Variants in SUGCT observed in about 807,000 individuals in gnomAD.
SUGCT encodes the protein succinyl-CoA:glutarate CoA-transferase.
SUGCT carries 41 observed loss-of-function variants against 55.0 expected under a neutral mutation model. The observed-to-expected ratio is 0.74, with a 90% confidence interval of 0.58 to 0.97. SUGCT has a LOEUF of 0.97. SUGCT is among the 50% of genes least tolerant of loss of function. SUGCT has a pLI of 0.00. For synonymous variants in SUGCT, 187 were observed against 200.4 expected (o/e 0.93, Z 0.56); for missense variants, 568 against 547.8 (o/e 1.04, Z -0.37).
rs1002300921 is a variant in SUGCT at position 40,556,777 on chromosome 7, C to T, written c.1089+60391C>T. 5.3e-5 allele frequency among the ~76,000 whole-genome samples: 8 copies of T among 152,208 alleles called. 1 individual carries two copies. The East Asian group carries it at 5.8e-4, about 11-fold the overall frequency. The stretch of plus-strand genomic sequence containing the variant: ...TAAATAAATTAATAATTTTAAAGCA[C>T]GTGGAACAGTTTCTGGCACATAATA... On this transcript the variant is annotated intron_variant, in intron 12 of 13. Coordinates refer to ENST00000335693, the MANE Select transcript of SUGCT (RefSeq NM_001193313.2).
chr7:41,033,365 T>C, the SUGCT span, among the ~76,000 whole-genome samples: 2 of 152,222 alleles, frequency 1.3e-5, no homozygotes, highest in African/African-American at 4.8e-5. Context: ...TGATGCTGTA[T>C]GGCCATTTAA....
Position 40,242,802 on chromosome 7 carries a change from C to A in SUGCT, c.576+5076C>A, listed in dbSNP as rs115159455. On this transcript the variant is annotated intron_variant, in intron 7 of 13. Transcript: ENST00000335693. ...TAAGATGTAAGCCTCATAGGAAAGA[C>A]CGTGGTCCTTGATTTGGTCACTACT... 4.2e-3 allele frequency among the ~76,000 whole-genome samples: 625 copies of A among 150,256 alleles called. 6 individuals are homozygous for A. Among genetic ancestry groups the A allele is most frequent in the African/African-American group, 0.015 (603 of 40,930 alleles).
chr7:40,318,539 C>T (rs960616831), intron 9 of SUGCT, among the ~76,000 whole-genome samples: 1 of 152,198 alleles, frequency 6.6e-6, no homozygotes, highest in Non-Finnish European at 1.5e-5. Context: ...CAGGTTCAAG[C>T]GGTTCTTCTG....
chr7:40,773,411 G>A (rs146336879), intron 13 of SUGCT, among the ~76,000 whole-genome samples: 4 of 152,280 alleles, frequency 2.6e-5, no homozygotes, highest in African/African-American at 9.6e-5. Flanking sequence ...TTACAGGCGT[G>A]AGCCACTGTG....
At chr7:40,280,551 T>C (rs1792885133) in intron 8 of SUGCT, among the ~76,000 whole-genome samples, 1 of 152,208 alleles carries the variant, frequency 6.6e-6, no homozygotes, top group African/African-American at 2.4e-5. Flanking sequence ...GAATATATTG[T>C]CACTTTTGAT....
chr7:40,423,758 T>A (rs1030569531), intron 9 of SUGCT, among the ~76,000 whole-genome samples: 37 of 152,142 alleles, frequency 2.4e-4, no homozygotes, highest in Non-Finnish European at 4.6e-4. Context: ...TAATGGAAAA[T>A]TAATGTTGCA....
At chr7:40,654,051 G>T (rs1043321558) in intron 12 of SUGCT, among the ~76,000 whole-genome samples, 2 of 151,728 alleles carry the variant, frequency 1.3e-5, no homozygotes, top group African/African-American at 4.8e-5. Flanking sequence ...GAAGTCAAGA[G>T]AATTAGTTTT....
At chr7:40,267,607 G>A (rs1180824206) in intron 7 of SUGCT, among the ~76,000 whole-genome samples, 2 of 152,140 alleles carry the variant, frequency 1.3e-5, no homozygotes, top group Non-Finnish European at 2.9e-5. Context: ...GGGAGACATT[G>A]TTTAGTACTG....
At chr7:40,830,503 G>A (rs1041462674) in intron 13 of SUGCT, among the ~76,000 whole-genome samples, 1 of 152,082 alleles carries the variant, frequency 6.6e-6, no homozygotes, top group African/African-American at 2.4e-5. Flanking sequence ...CTTCTTAGAT[G>A]CCTCTTTCTG....
intron 12 of SUGCT, among the ~76,000 whole-genome samples, chr7:40,705,297 T>A (rs1186685793): frequency 6.6e-6 from 1 of 152,218 alleles, no homozygotes; most frequent in African/African-American, 2.4e-5. Flanking sequence ...GAAATTGACA[T>A]TGGTATAATG....
intron 7 of SUGCT, among the ~76,000 whole-genome samples, chr7:40,248,791 T>C (rs1197909532): frequency 6.6e-6 from 1 of 152,088 alleles, no homozygotes; most frequent in African/African-American, 2.4e-5. Context: ...TATACTCCTG[T>C]CAGCAATGTT....
chr7:40,555,019 A>G (rs947966692), intron 12 of SUGCT, among the ~76,000 whole-genome samples: 4 of 152,202 alleles, frequency 2.6e-5, no homozygotes, highest in Non-Finnish European at 5.9e-5. Context: ...ATACTTTAAT[A>G]TATTAATGGT....
At chr7:41,002,030 G>T in the SUGCT span, among the ~76,000 whole-genome samples, 2 of 151,956 alleles carry the variant, frequency 1.3e-5, no homozygotes, top group Non-Finnish European at 2.9e-5. Context: ...ACTTTTTTTT[G>T]TTTGTTTATT....
chr7:40,164,542 AAATT>A lies in SUGCT; in HGVS notation c.101-16401_101-16398del, dbSNP rs1240313918. Among the ~76,000 whole-genome samples the A allele has an allele frequency of 3.3e-5, 5 of 152,318 alleles. No homozygotes were observed. In the East Asian group the frequency reaches 9.6e-4, roughly 29 times the overall value. ...TTATTAATGTAACAGAGGCTTCAGA[AAATT>A]AATATTAATTAGTTGAATTGGAAGG... On this transcript the variant is annotated intron_variant, in intron 1 of 13. Transcript: ENST00000335693.
At chr7:40,866,822 C>T in the SUGCT span, among the ~76,000 whole-genome samples, 3 of 152,010 alleles carry the variant, frequency 2.0e-5, no homozygotes, top group African/African-American at 7.2e-5. Context: ...CTAAGTGAAT[C>T]GTTAGCTGAA....
Position 40,680,779 on chromosome 7 carries a change from T to C in SUGCT, c.1090-68655T>C, listed in dbSNP as rs74931675. On this transcript the variant is annotated intron_variant, in intron 12 of 13. Coordinates refer to ENST00000335693, the MANE Select transcript of SUGCT (RefSeq NM_001193313.2). Reference sequence around the variant, plus strand: ...ATAGTTACCATATGCAAATCAGGCATGTGTGGCCAATGTAGTCATGATCAT... The same window carrying C: ...ATAGTTACCATATGCAAATCAGGCACGTGTGGCCAATGTAGTCATGATCAT... Among the ~76,000 whole-genome samples the C allele has an allele frequency of 2.1e-3, 315 of 152,344 alleles. 1 individual carries two copies. The highest frequency in any genetic ancestry group is 0.014 in the East Asian group (71 of 5,178).
chr7:40,504,064 G>A (rs191650519), intron 12 of SUGCT, among the ~76,000 whole-genome samples: 1 of 152,128 alleles, frequency 6.6e-6, no homozygotes, highest in Admixed American at 6.5e-5. Context: ...TTTGCTAACC[G>A]TAAATGGAAA....
intron 13 of SUGCT, among the ~76,000 whole-genome samples, chr7:40,752,443 C>T (rs1351472966): frequency 2.0e-5 from 3 of 152,214 alleles, no homozygotes; most frequent in Non-Finnish European, 4.4e-5. Context: ...GCAACCTCCA[C>T]CTCCCAGGTT....
At chr7:40,947,759 G>GGAAA in the SUGCT span, among the ~76,000 whole-genome samples, 1 of 152,100 alleles carries the variant, frequency 6.6e-6, no homozygotes, top group South Asian at 2.1e-4. Context: ...ACTAATCATT[G>GGAAA]GAAAGACATT....
Sources: allele counts gnomAD v4.1 joint callset (sites outside exome capture counted in the v4.1 genomes callset), GRCh38; gene constraint gnomAD v4.1.1; transcripts MANE v1.5; gene names NCBI Gene and HGNC (gene_info 2026-07-23, HGNC 2026-07-21).